The following TYW1 variants were observed in gnomAD, a reference collection of about 807,000 sequenced individuals.
The protein encoded by TYW1 is S-adenosyl-L-methionine-dependent tRNA 4-demethylwyosine synthase TYW1.
Under a neutral mutation model 96.2 loss-of-function variants are expected in TYW1, and 46 were observed. That is an observed-to-expected ratio of 0.48 (90% confidence interval 0.38 to 0.61). The LOEUF (loss-of-function observed/expected upper bound fraction) is 0.61, where lower values mean the gene tolerates loss of function less well. Ranked by LOEUF, TYW1 falls within the 20% of genes least tolerant of loss-of-function variation. TYW1 has a pLI of 0.00. For synonymous variants in TYW1, 274 were observed against 323.0 expected, an observed-to-expected ratio of 0.85 and a Z score of 1.63; for missense variants, 684 against 909.6, an observed-to-expected ratio of 0.75 and a Z score of 3.19.
At chr7:66,997,968 T>C in intron 1 of TYW1, 97 bp from the exon 2 acceptor site, 1 of 1,423,702 alleles carries the variant, frequency 7.0e-7, no homozygotes, top group Non-Finnish European at 9.4e-7. Context: ...GCTGGGTTGT[T>C]GAATGTAAGG....
intron 13 of TYW1, among the ~76,000 whole-genome samples, chr7:67,152,627 A>G (rs1293833999): frequency 2.0e-5 from 3 of 152,006 alleles, no homozygotes; most frequent in African/African-American, 7.3e-5. Flanking sequence ...TTTGAGACAG[A>G]GTCTCCCTCT....
chr7:67,152,695 G>A (rs181411233), intron 13 of TYW1, among the ~76,000 whole-genome samples: 2,805 of 152,122 alleles, frequency 0.018, 78 homozygotes, highest in African/African-American at 0.063. Context: ...TCAGCCTCCC[G>A]GGTTCAAGTG....
intron 10 of TYW1, among the ~76,000 whole-genome samples, chr7:67,075,418 A>G (rs1303458460): frequency 1.3e-5 from 2 of 152,230 alleles, no homozygotes; most frequent in African/African-American, 2.4e-5. Flanking sequence ...TCCAAAGAAG[A>G]TATACAAATG....
At chr7:67,028,815 G>A (rs572183871) in intron 7 of TYW1, among the ~76,000 whole-genome samples, 23 of 152,212 alleles carry the variant, frequency 1.5e-4, no homozygotes, top group Admixed American at 2.6e-4. Flanking sequence ...ATGCAAAACA[G>A]CATTTCCACA....
At chr7:67,210,442 C>G (rs1800961609) in intron 15 of TYW1, among the ~76,000 whole-genome samples, 1 of 152,180 alleles carries the variant, frequency 6.6e-6, no homozygotes, top group South Asian at 2.1e-4. Context: ...ACTGCATCTG[C>G]TCCTGCTTTT....
At chr7:67,221,935 C>T (rs1452560520) in intron 15 of TYW1, among the ~76,000 whole-genome samples, 2 of 151,214 alleles carry the variant, frequency 1.3e-5, no homozygotes, top group East Asian at 3.9e-4. Flanking sequence ...TGGTGGCTGA[C>T]GCCTGTAATC....
At chr7:67,155,701 G>A (rs1359206188) in intron 13 of TYW1, among the ~76,000 whole-genome samples, 3 of 152,152 alleles carry the variant, frequency 2.0e-5, no homozygotes, top group Non-Finnish European at 2.9e-5. Flanking sequence ...TGGGATTATA[G>A]GCGTGAGCCA....
At position 67,238,859 on chromosome 7, in the gene TYW1, C is replaced by T. The variant is rs559171035; in HGVS notation, c.*330C>T. ...GTAAGACCTGCCAGAATGCTAGTCCCGAGAGTGTCAGACAAGGAAGAAGTC... is the reference window on the plus strand; with the variant it reads ...GTAAGACCTGCCAGAATGCTAGTCCTGAGAGTGTCAGACAAGGAAGAAGTC... On this transcript the variant is annotated 3_prime_UTR_variant, in exon 16 of 16. Transcript: ENST00000359626. 34 of 1,109,822 alleles carry T rather than the reference C, an allele frequency of 3.1e-5. 1 individual carries two copies. The South Asian group carries it at 3.4e-4, about 11-fold the overall frequency. 68.7% of individuals were successfully genotyped at this position (1,109,822 alleles called of 1,614,324 possible).
chr7:67,213,284 C>T (rs1801099234), intron 15 of TYW1, among the ~76,000 whole-genome samples: 2 of 152,156 alleles, frequency 1.3e-5, no homozygotes, highest in South Asian at 4.1e-4. Context: ...CCTCCCACCT[C>T]ACTCTCTTAA....
intron 10 of TYW1, among the ~76,000 whole-genome samples, chr7:67,072,199 A>T (rs1005170888): frequency 6.7e-6 from 1 of 148,472 alleles, no homozygotes; most frequent in Non-Finnish European, 1.5e-5. Context: ...TTTTCTTAAC[A>T]GCAAGTTGTT....
At chr7:67,190,941 T>G (rs1800186605) in intron 14 of TYW1, among the ~76,000 whole-genome samples, 1 of 152,004 alleles carries the variant, frequency 6.6e-6, no homozygotes, top group Non-Finnish European at 1.5e-5. Flanking sequence ...AGGCAAACTC[T>G]CCAAGCAGCC....
intron 13 of TYW1, among the ~76,000 whole-genome samples, chr7:67,155,309 G>C (rs550851414): frequency 2.6e-5 from 4 of 152,302 alleles, no homozygotes; most frequent in African/African-American, 9.6e-5. Context: ...AGTTGGCGCT[G>C]TCCTTGTGAT....
intron 15 of TYW1, 68 bp downstream of exon 15, chr7:67,195,405 T>C (rs1447990426): frequency 6.2e-7 from 1 of 1,604,236 alleles, no homozygotes; most frequent in Non-Finnish European, 8.5e-7. Context: ...TCTTCTCTCT[T>C]TATTTTCCTC....
Position 67,102,851 on chromosome 7 carries a change from C to T in TYW1, c.1562+4133C>T, listed in dbSNP as rs149015719. On this transcript the variant is annotated intron_variant, in intron 12 of 15. Coordinates refer to ENST00000359626, the MANE Select transcript of TYW1 (RefSeq NM_018264.4). ...TATTTTTAGTAGAGACGGGTTTCAC[C>T]GTGTTAGCAGGATGGTCTCGATCTC... Among the ~76,000 whole-genome samples the T allele has an allele frequency of 5.2e-3, 787 of 151,382 alleles. 5 individuals carry two copies. Among genetic ancestry groups the T allele is most frequent in the African/African-American group, 0.018 (734 of 40,760 alleles).
intron 4 of TYW1, among the ~76,000 whole-genome samples, chr7:67,013,792 G>T (rs2129241072): frequency 7.3e-6 from 1 of 136,566 alleles, no homozygotes; most frequent in Admixed American, 8.3e-5. Flanking sequence ...CGCCCAGGCT[G>T]GAGTGCAGTG....
intron 14 of TYW1, among the ~76,000 whole-genome samples, chr7:67,190,490 G>A (rs565973987): frequency 3.3e-4 from 50 of 152,358 alleles, no homozygotes; most frequent in Admixed American, 3.0e-3. Context: ...TGCACAGGAT[G>A]TGATAAGATC....
chr7:67,152,498 T>C (rs1237313096), intron 13 of TYW1, among the ~76,000 whole-genome samples: 7 of 152,172 alleles, frequency 4.6e-5, no homozygotes, highest in Admixed American at 3.9e-4. Context: ...CTTGAGCATA[T>C]CATTGTATCC....
chr7:67,013,181 G>GGA (rs1793875903), intron 4 of TYW1, among the ~76,000 whole-genome samples: 1 of 151,226 alleles, frequency 6.6e-6, no homozygotes, highest in Non-Finnish European at 1.5e-5. Context: ...AGTGTGCAGG[G>GGA]GTGTGATGGT....
intron 11 of TYW1, among the ~76,000 whole-genome samples, chr7:67,092,674 C>CTTTTT (rs3980762): frequency 1.1e-4 from 10 of 92,452 alleles, no homozygotes; most frequent in Non-Finnish European, 1.3e-4. Context: ...CTATCACCTT[C>CTTTTT]TTTTTTTTTT....
Sources: gnomAD v4.1 joint callset for allele counts (sites outside exome capture counted in the v4.1 genomes callset) on GRCh38, gnomAD v4.1.1 for gene constraint, MANE v1.5 for transcripts, NCBI Gene and HGNC (gene_info 2026-07-23, HGNC 2026-07-21) for gene names.